Variants in USH2A observed in about 807,000 individuals in gnomAD.
USH2A encodes the protein Usher syndrome 2A (autosomal recessive, mild).
A neutral mutation model predicts 538.9 loss-of-function variants in USH2A; 443 were observed. The ratio of observed to expected loss-of-function variants is 0.82; its 90% CI spans 0.76 to 0.89. The LOEUF (loss-of-function observed/expected upper bound fraction) is 0.89. USH2A is among the 40% of genes least tolerant of loss of function. The pLI is 0.00. For synonymous variants in USH2A, 2,413 were observed against 2,273.5 expected, an observed-to-expected ratio of 1.06 and a Z score of -1.75; for missense variants, 6,633 against 6,324.8, an observed-to-expected ratio of 1.05 and a Z score of -1.65.
At chr1:215,902,039 T>G (rs1665515223) in intron 38 of USH2A, among the ~76,000 whole-genome samples, 1 of 152,172 alleles carries the variant, frequency 6.6e-6, no homozygotes, top group African/African-American at 2.4e-5. Context: ...TTATTACTAT[T>G]ATTACATTGG....
At chr1:216,259,206 C>T (rs1353113515) in intron 11 of USH2A, among the ~76,000 whole-genome samples, 1 of 152,044 alleles carries the variant, frequency 6.6e-6, no homozygotes, top group Non-Finnish European at 1.5e-5. Context: ...GTGAAATGCA[C>T]ACTGCGATGT....
At chr1:216,052,066 T>C (rs1291152928) in intron 30 of USH2A, among the ~76,000 whole-genome samples, 1 of 152,228 alleles carries the variant, frequency 6.6e-6, no homozygotes, top group Admixed American at 6.5e-5. Flanking sequence ...TTACGTTGTG[T>C]ATAACATGTG....
intron 37 of USH2A, among the ~76,000 whole-genome samples, chr1:215,949,255 T>C (rs1571838705): frequency 6.6e-6 from 1 of 152,008 alleles, no homozygotes; most frequent in Non-Finnish European, 1.5e-5. Flanking sequence ...GAGGTCCTTA[T>C]GGGGAAAATA....
chr1:216,290,388 A>G (rs1395924015), intron 10 of USH2A, among the ~76,000 whole-genome samples: 1 of 152,114 alleles, frequency 6.6e-6, no homozygotes, highest in African/African-American at 2.4e-5. Context: ...CATATCTCCA[A>G]TCCAGAAATC....
chr1:215,717,894 C>A (rs549886750), intron 61 of USH2A, among the ~76,000 whole-genome samples: 4 of 151,964 alleles, frequency 2.6e-5, no homozygotes, highest in Non-Finnish European at 5.9e-5. Flanking sequence ...TAACATCAGG[C>A]GAGAAAGTTA....
At chr1:216,100,096 C>T (rs2032542617) in intron 21 of USH2A, among the ~76,000 whole-genome samples, 1 of 152,074 alleles carries the variant, frequency 6.6e-6, no homozygotes, top group Admixed American at 6.5e-5. Context: ...TTTAAGGAGG[C>T]AAGGTTAGTT....
intron 31 of USH2A, 103 bp from the exon 32 acceptor site, chr1:216,046,695 G>A: frequency 7.2e-7 from 1 of 1,380,368 alleles, no homozygotes; most frequent in Non-Finnish European, 1.0e-6. Flanking sequence ...GAAATCCCAT[G>A]CATGGAAATA....
At chr1:216,393,562 A>C (rs1296860780) in intron 3 of USH2A, among the ~76,000 whole-genome samples, 1 of 151,870 alleles carries the variant, frequency 6.6e-6, no homozygotes, top group Admixed American at 6.6e-5. Flanking sequence ...TGATTTTTTT[A>C]TTTTCTCGTA....
chr1:216,389,149 A>C (rs2039055565), intron 3 of USH2A, among the ~76,000 whole-genome samples: 1 of 152,204 alleles, frequency 6.6e-6, no homozygotes, highest in Admixed American at 6.5e-5. Context: ...AAAAATCTAT[A>C]AATGCTAAGT....
chr1:216,117,783 C>T (rs541664894), intron 21 of USH2A, among the ~76,000 whole-genome samples: 113 of 150,606 alleles, frequency 7.5e-4, no homozygotes, highest in African/African-American at 2.7e-3. Context: ...AACACAGACA[C>T]ACATACACAC....
intron 32 of USH2A, among the ~76,000 whole-genome samples, chr1:216,006,332 C>A (rs1365190318): frequency 6.6e-6 from 1 of 152,170 alleles, no homozygotes; most frequent in Non-Finnish European, 1.5e-5. Context: ...TACACAATGT[C>A]CAGTCTCTTG....
rs1243569503 is a variant in USH2A, at chr1:215,774,891, C to T, written c.10939+4952G>A. On this transcript the variant is annotated intron_variant, in intron 55 of 71. Transcript: ENST00000307340. Reference sequence around the variant, plus strand: ...TTAAAACACAAAAAAGTGGTTGATGCCACACTTTTTTTTTTCTTTTTTTTT... The same window carrying T: ...TTAAAACACAAAAAAGTGGTTGATGTCACACTTTTTTTTTTCTTTTTTTTT... 5.9e-5 allele frequency among the ~76,000 whole-genome samples: 9 copies of T among 151,498 alleles called. No individual in the cohort carries two copies. The East Asian group carries it at 1.8e-3, about 30-fold the overall frequency.
chr1:216,313,576 C>T (rs1456609269), intron 9 of USH2A, among the ~76,000 whole-genome samples: 1 of 152,004 alleles, frequency 6.6e-6, no homozygotes, highest in Non-Finnish European at 1.5e-5. Flanking sequence ...AGTAAATTTT[C>T]CTCTATATTT....
At chr1:215,732,544 CTT>C (rs141549439) in intron 60 of USH2A, among the ~76,000 whole-genome samples, 779 of 73,600 alleles carry the variant, frequency 0.011, 9 homozygotes, top group South Asian at 0.073. Flanking sequence ...TTTTTTCTTT[CTT>C]TTTTTTTTTT....
At chr1:215,949,873 A>G (rs563415042) in intron 37 of USH2A, among the ~76,000 whole-genome samples, 1 of 152,260 alleles carries the variant, frequency 6.6e-6, no homozygotes, top group East Asian at 1.9e-4. Flanking sequence ...CAAATTTTAA[A>G]ACCTCTAAAA....
In USH2A at chr1:216,060,299, C is replaced by T. The variant is rs12409245; in HGVS notation, c.6049+9802G>A. 1.2e-3 allele frequency among the ~76,000 whole-genome samples: 179 copies of T among 152,256 alleles called. 1 individual carries two copies. The highest frequency in any genetic ancestry group is 5.7e-4 in the Non-Finnish European group (39 of 68,028). ...ATTTTATAAGTAATCTGAGAATCAC[C>T]TTATGACCAGTAGAATTGAGAGTCA... On this transcript the variant is annotated intron_variant, in intron 30 of 71. Coordinates refer to ENST00000307340, the MANE Select transcript of USH2A (RefSeq NM_206933.4).
chr1:215,813,152 A>T (rs1662745292), intron 49 of USH2A, among the ~76,000 whole-genome samples: 1 of 152,196 alleles, frequency 6.6e-6, no homozygotes. Flanking sequence ...GCATTGTTTT[A>T]TGTAGTTGAA....
At chr1:216,240,013 C>CAAAAAAAAAAAAAAAAAAAAA (rs55691066) in intron 13 of USH2A, among the ~76,000 whole-genome samples, 3 of 112,282 alleles carry the variant, frequency 2.7e-5, no homozygotes, top group African/African-American at 3.3e-5. Context: ...ATGAAATAAA[C>CAAAAAAAAAAAAAAAAAAAAA]AAAAAAAAAA....
intron 55 of USH2A, among the ~76,000 whole-genome samples, chr1:215,778,282 C>T (rs1661521650): frequency 6.6e-6 from 1 of 152,116 alleles, no homozygotes; most frequent in Non-Finnish European, 1.5e-5. Flanking sequence ...GAACTCCTGA[C>T]CTCAGGTGAT....
Sources: gnomAD v4.1 joint callset for allele counts (sites outside exome capture counted in the v4.1 genomes callset) on GRCh38, gnomAD v4.1.1 for gene constraint, MANE v1.5 for transcripts, NCBI Gene and HGNC (gene_info 2026-07-23, HGNC 2026-07-21) for gene names.